Variants in CAMKMT observed in about 807,000 individuals in gnomAD.
The protein encoded by CAMKMT is CaM KMT.
Under a neutral mutation model 48.0 loss-of-function variants are expected in CAMKMT, and 53 were observed. That is an observed-to-expected ratio of 1.10 (90% confidence interval 0.89 to 1.39). The LOEUF (loss-of-function observed/expected upper bound fraction) is 1.39, where lower values mean the gene tolerates loss of function less well. CAMKMT is among the 40% of genes most tolerant of loss of function. The pLI is 0.00. For missense variants in CAMKMT, 428 were observed against 402.7 expected (o/e 1.06, Z -0.54); for synonymous variants, 165 against 152.3 (o/e 1.08, Z -0.61).
At chr2:44,707,275 T>A in intron 5 of CAMKMT, 124 bp from the exon 6 acceptor site, 1 of 750,798 alleles carries the variant, frequency 1.3e-6, no homozygotes, top group Non-Finnish European at 2.3e-6. Context: ...TGAAAAAAGA[T>A]TGAAGATTGT....
Position 44,483,176 on chromosome 2 carries a change from A to G in CAMKMT, c.376+92871A>G, listed in dbSNP as rs183355448. Among the ~76,000 whole-genome samples the G allele has an allele frequency of 2.4e-3, 366 of 152,284 alleles. 1 individual carries two copies. The highest frequency in any genetic ancestry group is 8.5e-3 in the African/African-American group (353 of 41,584). On this transcript the variant is annotated intron_variant, in intron 3 of 10. Coordinates refer to ENST00000378494, the MANE Select transcript of CAMKMT (RefSeq NM_024766.5). ...TCTCTACTCTCTTACCTGAATAGATATGTCACCCTCAGTCAGTGTGGGGAG... is the reference window on the plus strand; with the variant it reads ...TCTCTACTCTCTTACCTGAATAGATGTGTCACCCTCAGTCAGTGTGGGGAG...
At chr2:44,371,415 G>T (rs1170098157) in intron 1 of CAMKMT, among the ~76,000 whole-genome samples, 2 of 152,150 alleles carry the variant, frequency 1.3e-5, no homozygotes, top group African/African-American at 4.8e-5. Flanking sequence ...CACTGCACCT[G>T]GCCTATAGTT....
intron 3 of CAMKMT, among the ~76,000 whole-genome samples, chr2:44,551,586 A>G (rs1292105223): frequency 1.3e-5 from 2 of 152,200 alleles, no homozygotes; most frequent in Admixed American, 6.5e-5. Flanking sequence ...CAGCCAGTCC[A>G]TTAGCATTGA....
intron 3 of CAMKMT, among the ~76,000 whole-genome samples, chr2:44,514,398 G>A (rs1455415358): frequency 6.6e-6 from 1 of 152,210 alleles, no homozygotes; most frequent in Non-Finnish European, 1.5e-5. Flanking sequence ...GCATGATATA[G>A]GTGGCCCAGA....
At chr2:44,416,907 G>A (rs1467840542) in intron 3 of CAMKMT, among the ~76,000 whole-genome samples, 2 of 151,490 alleles carry the variant, frequency 1.3e-5, no homozygotes, top group African/African-American at 2.4e-5. Context: ...TCCATATTGT[G>A]GTGTGTATCT....
intron 10 of CAMKMT, among the ~76,000 whole-genome samples, chr2:44,769,504 G>T (rs1156672059): frequency 6.6e-6 from 1 of 152,196 alleles, no homozygotes. Flanking sequence ...TCATAGTGTG[G>T]TTCAAAACCT....
chr2:44,389,692 A>G (rs747188934), intron 2 of CAMKMT, among the ~76,000 whole-genome samples: 23 of 152,188 alleles, frequency 1.5e-4, no homozygotes, highest in Non-Finnish European at 2.9e-4. Flanking sequence ...AGAGTTGTTA[A>G]CTGAAGCGGG....
chr2:44,381,967 G>A (rs183200116), intron 2 of CAMKMT, among the ~76,000 whole-genome samples: 3 of 133,606 alleles, frequency 2.2e-5, no homozygotes, highest in Admixed American at 1.6e-4. Flanking sequence ...TTGAGATGGA[G>A]TTTCGCTCTT....
intron 3 of CAMKMT, among the ~76,000 whole-genome samples, chr2:44,392,808 A>G (rs1332485303): frequency 6.6e-6 from 1 of 152,060 alleles, no homozygotes; most frequent in African/African-American, 2.4e-5. Flanking sequence ...CTTTTGATAG[A>G]GAGTGAAAGT....
At chr2:44,540,545 G>A (rs889471853) in intron 3 of CAMKMT, among the ~76,000 whole-genome samples, 10 of 152,154 alleles carry the variant, frequency 6.6e-5, no homozygotes, top group East Asian at 5.8e-4. Flanking sequence ...GAGTTCAGGC[G>A]TTCAAGACCA....
chr2:44,428,258 G>A (rs1684410376), intron 3 of CAMKMT, among the ~76,000 whole-genome samples: 1 of 152,154 alleles, frequency 6.6e-6, no homozygotes, highest in Non-Finnish European at 1.5e-5. Flanking sequence ...TTGGAAATGG[G>A]GTGGAGTGAG....
At chr2:44,689,551 G>A (rs1676527358) in intron 3 of CAMKMT, among the ~76,000 whole-genome samples, 1 of 152,026 alleles carries the variant, frequency 6.6e-6, no homozygotes, top group Non-Finnish European at 1.5e-5. Flanking sequence ...CCACGTAAAG[G>A]AATAAAACTG....
At chr2:44,615,523 A>C (rs1671839151) in intron 3 of CAMKMT, among the ~76,000 whole-genome samples, 1 of 152,140 alleles carries the variant, frequency 6.6e-6, no homozygotes, top group South Asian at 2.1e-4. Context: ...GATAATTCCC[A>C]GGTTTCTGCC....
intron 3 of CAMKMT, among the ~76,000 whole-genome samples, chr2:44,518,908 G>A (rs1572699621): frequency 6.6e-6 from 1 of 152,174 alleles, no homozygotes; most frequent in Admixed American, 6.5e-5. Context: ...GGGAAGATAG[G>A]CTCCAGCTTT....
At chr2:44,707,286 T>G in intron 5 of CAMKMT, 113 bp from the exon 6 acceptor site, 1 of 813,096 alleles carries the variant, frequency 1.2e-6, no homozygotes, top group Non-Finnish European at 2.0e-6. Context: ...TGAAGATTGT[T>G]ACAGAGAAAT....
At chr2:44,770,507 A>C (rs1024176556) in intron 10 of CAMKMT, among the ~76,000 whole-genome samples, 1 of 152,234 alleles carries the variant, frequency 6.6e-6, no homozygotes, top group Non-Finnish European at 1.5e-5. Flanking sequence ...GTGCATTGTG[A>C]GTGAGTAGGT....
intron 3 of CAMKMT, among the ~76,000 whole-genome samples, chr2:44,651,261 T>C (rs1674046565): frequency 6.6e-6 from 1 of 152,240 alleles, no homozygotes. Flanking sequence ...AGTGAAAACT[T>C]GGGAGCAATC....
At chr2:44,372,119 T>C (rs908103239) in intron 1 of CAMKMT, among the ~76,000 whole-genome samples, 1 of 152,216 alleles carries the variant, frequency 6.6e-6, no homozygotes, top group African/African-American at 2.4e-5. Flanking sequence ...CTTTTAGAAT[T>C]GACACATATC....
chr2:44,622,876 G>A (rs1431129867), intron 3 of CAMKMT, among the ~76,000 whole-genome samples: 1 of 152,126 alleles, frequency 6.6e-6, no homozygotes, highest in Non-Finnish European at 1.5e-5. Flanking sequence ...GGGTCAAATG[G>A]TAGTTCAATT....
Sources: allele counts gnomAD v4.1 joint callset (sites outside exome capture counted in the v4.1 genomes callset), GRCh38; gene constraint gnomAD v4.1.1; transcripts MANE v1.5; gene names NCBI Gene and HGNC (gene_info 2026-07-23, HGNC 2026-07-21).